NTNG1: variants seen among roughly 807,000 people sequenced by gnomAD.
NTNG1 encodes the protein netrin-G1.
NTNG1 carries 16 observed loss-of-function variants against 54.0 expected under a neutral mutation model. The observed-to-expected ratio is 0.30, with a 90% CI of 0.20 to 0.45. NTNG1 has a LOEUF of 0.45. Ranked by LOEUF, NTNG1 falls within the 20% of genes least tolerant of loss-of-function variation. The pLI, the probability that NTNG1 is intolerant of heterozygous loss-of-function variation, is 1.00. For missense variants in NTNG1, 530 were observed against 678.7 expected (o/e 0.78, Z 2.43); for synonymous variants, 255 against 263.1 (o/e 0.97, Z 0.30).
At chr1:107,278,478 T>G (rs1045395020) in intron 2 of NTNG1, among the ~76,000 whole-genome samples, 1 of 152,188 alleles carries the variant, frequency 6.6e-6, no homozygotes, top group African/African-American at 2.4e-5. Flanking sequence ...GCTTTTATTT[T>G]GTGTTTATTA....
chr1:107,408,023 T>G, intron 5 of NTNG1: 1 of 501,244 alleles, frequency 2.0e-6, no homozygotes, highest in Non-Finnish European at 3.8e-6. Flanking sequence ...TAGTCCTATT[T>G]ATCCATACTT....
intron 2 of NTNG1, among the ~76,000 whole-genome samples, chr1:107,192,306 C>T (rs1211999202): frequency 3.3e-5 from 5 of 152,026 alleles, no homozygotes; most frequent in African/African-American, 9.7e-5. Flanking sequence ...ACTTCTCCTT[C>T]GTGCTTTCGA....
intron 2 of NTNG1, among the ~76,000 whole-genome samples, chr1:107,177,527 G>A (rs1041614905): frequency 6.6e-6 from 1 of 152,044 alleles, no homozygotes; most frequent in Non-Finnish European, 1.5e-5. Context: ...TATAGATGGG[G>A]TTTCAGCATG....
intron 2 of NTNG1, among the ~76,000 whole-genome samples, chr1:107,164,651 T>C (rs778202362): frequency 3.9e-5 from 6 of 152,198 alleles, no homozygotes; most frequent in Non-Finnish European, 7.4e-5. Context: ...ATGCTGGTGA[T>C]GTCAGGAAAG....
At chr1:107,344,658 C>T (rs1669109494) in intron 3 of NTNG1, among the ~76,000 whole-genome samples, 1 of 152,030 alleles carries the variant, frequency 6.6e-6, no homozygotes, top group African/African-American at 2.4e-5. Flanking sequence ...GAGGTTTGGG[C>T]CCTCTTCTTG....
At chr1:107,301,209 G>A (rs1174881539) in intron 2 of NTNG1, among the ~76,000 whole-genome samples, 1 of 152,104 alleles carries the variant, frequency 6.6e-6, no homozygotes, top group African/African-American at 2.4e-5. Context: ...TTATTAATTT[G>A]AAGGGGCATA....
chr1:107,480,846 A>G lies in NTNG1; in HGVS notation c.*6A>G. ...CCAGCCCCCTGGTGTTCTAGGTGTC[A>G]CCTCCAGCCACACCGGACGGGCCTG... On this transcript the variant is annotated 3_prime_UTR_variant, in exon 8 of 8. Coordinates refer to ENST00000370068, the MANE Select transcript of NTNG1 (RefSeq NM_001113226.3). 5.2e-6 allele frequency: 8 copies of G among 1,543,430 alleles called. No individual in the cohort carries two copies. Among genetic ancestry groups the G allele is most frequent in the Non-Finnish European group, 7.0e-6 (8 of 1,143,334 alleles).
chr1:107,275,885 C>T (rs1246119585), intron 2 of NTNG1, among the ~76,000 whole-genome samples: 1 of 152,176 alleles, frequency 6.6e-6, no homozygotes, highest in East Asian at 1.9e-4. Flanking sequence ...AATTAACCAT[C>T]ACACCTTCAT....
intron 2 of NTNG1, among the ~76,000 whole-genome samples, chr1:107,285,459 T>G (rs906107038): frequency 2.0e-5 from 3 of 152,260 alleles, no homozygotes; most frequent in East Asian, 1.9e-4. Flanking sequence ...AAGGCTTGTA[T>G]TCACACAAGG....
Position 107,238,794 on chromosome 1 carries a change from C to CTT in NTNG1, c.247-85477_247-85476dup, listed in dbSNP as rs36116718. Among the ~76,000 whole-genome samples the CTT allele has an allele frequency of 1.4e-3, 207 of 146,926 alleles. 2 individuals are homozygous for CTT. The East Asian group carries it at 0.026, about 19-fold the overall frequency. On this transcript the variant is annotated intron_variant, in intron 2 of 7. Transcript: ENST00000370068. ...GTGGAACTGTGAGTCCAATTAAACA[C>CTT]TTTTTTTTTTTTGTAAATTGCCCAC...
chr1:107,470,178 G>A (rs1011458029), intron 7 of NTNG1, among the ~76,000 whole-genome samples: 4 of 152,060 alleles, frequency 2.6e-5, no homozygotes, highest in Non-Finnish European at 5.9e-5. Context: ...GAGATAATTG[G>A]TAGTCCTACT....
chr1:107,474,452 C>T (rs532027954), intron 7 of NTNG1, among the ~76,000 whole-genome samples: 2 of 152,270 alleles, frequency 1.3e-5, no homozygotes, highest in South Asian at 4.1e-4. Context: ...TATCCTCATG[C>T]CAGTACTATC....
intron 3 of NTNG1, among the ~76,000 whole-genome samples, chr1:107,355,567 C>T (rs1570751325): frequency 6.6e-6 from 1 of 152,060 alleles, no homozygotes; most frequent in Non-Finnish European, 1.5e-5. Context: ...AATCAGAAAC[C>T]GAGATATTTG....
At chr1:107,437,696 T>C (rs1389019083) in intron 7 of NTNG1, among the ~76,000 whole-genome samples, 1 of 152,188 alleles carries the variant, frequency 6.6e-6, no homozygotes, top group Non-Finnish European at 1.5e-5. Context: ...TAAATTAATT[T>C]TAATAACTAT....
At chr1:107,190,338 T>C (rs1176940064) in intron 2 of NTNG1, among the ~76,000 whole-genome samples, 1 of 152,088 alleles carries the variant, frequency 6.6e-6, no homozygotes, top group African/African-American at 2.4e-5. Flanking sequence ...TTTACCACAA[T>C]TAAAAACAAA....
intron 7 of NTNG1, 135 bp downstream of exon 7, chr1:107,436,934 C>T (rs1398387899): frequency 2.2e-5 from 16 of 741,676 alleles, no homozygotes; most frequent in African/African-American, 4.3e-5. Flanking sequence ...CTTAATGCTG[C>T]GGCCAATGTA....
At chr1:107,165,839 G>A (rs1213607798) in intron 2 of NTNG1, among the ~76,000 whole-genome samples, 1 of 152,164 alleles carries the variant, frequency 6.6e-6, no homozygotes, top group Admixed American at 6.5e-5. Flanking sequence ...CTGGCAGAAG[G>A]TGATACTTGG....
chr1:107,321,031 T>C (rs1265005166), intron 2 of NTNG1, among the ~76,000 whole-genome samples: 3 of 152,118 alleles, frequency 2.0e-5, no homozygotes, highest in African/African-American at 7.2e-5. Flanking sequence ...AAATTGGGAA[T>C]TGTTCTCAAT....
chr1:107,472,484 T>C (rs1451980143), intron 7 of NTNG1, among the ~76,000 whole-genome samples: 1 of 152,202 alleles, frequency 6.6e-6, no homozygotes, highest in East Asian at 1.9e-4. Context: ...TGGGTCTGGC[T>C]TACCAAAATA....
Sources: allele counts gnomAD v4.1 joint callset (sites outside exome capture counted in the v4.1 genomes callset), GRCh38; gene constraint gnomAD v4.1.1; transcripts MANE v1.5; gene names NCBI Gene and HGNC (gene_info 2026-07-23, HGNC 2026-07-21).